The following ROBO2 variants were observed in gnomAD, a reference collection of about 807,000 sequenced individuals.
ROBO2 encodes roundabout homolog 2.
ROBO2 carries 53 observed loss-of-function variants against 160.8 expected under a neutral mutation model. That is an observed-to-expected ratio of 0.33 (90% CI 0.26 to 0.41). The LOEUF (loss-of-function observed/expected upper bound fraction) is 0.41. Among genes scored for constraint, ROBO2 ranks in the 10% least tolerant of loss-of-function variants. The pLI is 1.00. For synonymous variants in ROBO2, 664 were observed against 611.7 expected (o/e 1.09, Z -1.26); for missense variants, 1,577 against 1,722.4 (o/e 0.92, Z 1.49).
At chr3:76,953,714 C>A (rs1448892311) in intron 2 of ROBO2, among the ~76,000 whole-genome samples, 1 of 151,722 alleles carries the variant, frequency 6.6e-6, no homozygotes, top group East Asian at 2.0e-4. Context: ...GCAGGGAATA[C>A]CATTAGCTGT....
At chr3:76,132,360 C>A (rs1357875902) in intron 2 of ROBO2, among the ~76,000 whole-genome samples, 7 of 143,632 alleles carry the variant, frequency 4.9e-5, no homozygotes, top group Non-Finnish European at 9.1e-5. Flanking sequence ...ATATAGGCAC[C>A]CTCTGCCTAA....
intron 5 of ROBO2, among the ~76,000 whole-genome samples, chr3:77,518,302 T>G (rs2090231334): frequency 6.6e-6 from 1 of 151,496 alleles, no homozygotes; most frequent in Admixed American, 6.6e-5. Flanking sequence ...TCATTTAGCC[T>G]AACGAGTCAA....
At chr3:76,211,503 T>C (rs961444448) in intron 2 of ROBO2, among the ~76,000 whole-genome samples, 1 of 152,112 alleles carries the variant, frequency 6.6e-6, no homozygotes, top group East Asian at 1.9e-4. Context: ...GAAACTGACA[T>C]GTCAGAATGA....
intron 2 of ROBO2, among the ~76,000 whole-genome samples, chr3:76,486,526 A>AT (rs1475967996): frequency 2.0e-5 from 3 of 152,028 alleles, no homozygotes; most frequent in Admixed American, 6.6e-5. Flanking sequence ...TCTAACAAAT[A>AT]TTTTTTTCCA....
intron 2 of ROBO2, among the ~76,000 whole-genome samples, chr3:77,257,089 T>G (rs2058467752): frequency 6.6e-6 from 1 of 152,222 alleles, no homozygotes; most frequent in African/African-American, 2.4e-5. Context: ...TCCATGAGAC[T>G]GTCTGTTGTC....
intron 6 of ROBO2, among the ~76,000 whole-genome samples, chr3:77,541,753 A>T (rs1468342738): frequency 1.3e-5 from 2 of 152,236 alleles, no homozygotes; most frequent in African/African-American, 4.8e-5. Flanking sequence ...ATCATAGTTA[A>T]CAAAAGATTT....
intron 2 of ROBO2, among the ~76,000 whole-genome samples, chr3:77,315,192 G>A (rs987095423): frequency 6.6e-6 from 1 of 152,044 alleles, no homozygotes; most frequent in African/African-American, 2.4e-5. Flanking sequence ...ACTACACAAA[G>A]GTCTTATTTG....
intron 2 of ROBO2, among the ~76,000 whole-genome samples, chr3:76,453,189 A>G (rs1462612378): frequency 6.6e-6 from 1 of 152,022 alleles, no homozygotes; most frequent in Admixed American, 6.6e-5. Context: ...ATTAGATCCC[A>G]TTTGTCAATT....
At chr3:77,070,816 C>G (rs75120609) in intron 1 of ROBO2, among the ~76,000 whole-genome samples, 1 of 152,094 alleles carries the variant, frequency 6.6e-6, no homozygotes, top group East Asian at 1.9e-4. Context: ...CGGGCTATTG[C>G]GTAGAGGATG....
intron 2 of ROBO2, among the ~76,000 whole-genome samples, chr3:76,328,908 T>TATA (rs1553708110): frequency 1.5e-5 from 2 of 136,026 alleles, no homozygotes; most frequent in East Asian, 2.1e-4. Context: ...ATTTATGTTA[T>TATA]TATATATATA....
intron 2 of ROBO2, among the ~76,000 whole-genome samples, chr3:76,516,487 T>C (rs1473488425): frequency 1.3e-5 from 2 of 152,118 alleles, no homozygotes; most frequent in Non-Finnish European, 2.9e-5. Context: ...AAAGAGGCAG[T>C]AGCAATAAAG....
At chr3:77,279,971 T>C (rs1271806453) in intron 2 of ROBO2, among the ~76,000 whole-genome samples, 1 of 152,196 alleles carries the variant, frequency 6.6e-6, no homozygotes, top group African/African-American at 2.4e-5. Context: ...ATTGGCTTCA[T>C]TGTAAAGTAT....
intron 2 of ROBO2, among the ~76,000 whole-genome samples, chr3:77,128,936 T>C (rs1195323611): frequency 6.6e-6 from 1 of 152,188 alleles, no homozygotes; most frequent in Non-Finnish European, 1.5e-5. Context: ...GATATTTTCC[T>C]TTGCTAATAT....
chr3:76,158,279 C>A (rs573473981), intron 2 of ROBO2, among the ~76,000 whole-genome samples: 1 of 152,186 alleles, frequency 6.6e-6, no homozygotes, highest in South Asian at 2.1e-4. Context: ...TTCTCTCCAT[C>A]CTCTCTGTTC....
At chr3:77,543,786 A>G (rs978331572) in intron 6 of ROBO2, among the ~76,000 whole-genome samples, 6 of 152,072 alleles carry the variant, frequency 3.9e-5, no homozygotes, top group African/African-American at 1.4e-4. Flanking sequence ...AGTATCCAGG[A>G]CTCTAAGGTT....
chr3:77,259,854 G>A (rs535772674), intron 2 of ROBO2, among the ~76,000 whole-genome samples: 41 of 152,274 alleles, frequency 2.7e-4, no homozygotes, highest in Admixed American at 4.6e-4. Flanking sequence ...TATGGGCTGC[G>A]CATGGCAGCT....
intron 2 of ROBO2, among the ~76,000 whole-genome samples, chr3:77,017,570 T>A (rs1037597476): frequency 6.6e-6 from 1 of 152,156 alleles, no homozygotes; most frequent in African/African-American, 2.4e-5. Flanking sequence ...TTTCTCCTTA[T>A]CACAAGAAAA....
intron 2 of ROBO2, among the ~76,000 whole-genome samples, chr3:76,653,354 A>G (rs953919473): frequency 6.6e-6 from 1 of 151,050 alleles, no homozygotes; most frequent in Non-Finnish European, 1.5e-5. Context: ...AATTTTCTAA[A>G]GCATGCTCTG....
chr3:77,410,000 A>G (rs1388940425), intron 2 of ROBO2, among the ~76,000 whole-genome samples: 4 of 152,226 alleles, frequency 2.6e-5, no homozygotes, highest in Non-Finnish European at 4.4e-5. Flanking sequence ...TTAAATTTAT[A>G]TCTGCTAATG....
Sources: allele counts gnomAD v4.1 joint callset (sites outside exome capture counted in the v4.1 genomes callset), GRCh38; gene constraint gnomAD v4.1.1; transcripts MANE v1.5; gene names NCBI Gene and HGNC (gene_info 2026-07-23, HGNC 2026-07-21).